PCDHGB2: variants seen among roughly 807,000 people sequenced by gnomAD.
PCDHGB2 encodes protocadherin gamma-B2.
A neutral mutation model predicts 59.3 loss-of-function variants in PCDHGB2; 55 were observed. The ratio of observed to expected loss-of-function variants is 0.93; its 90% CI spans 0.75 to 1.16. PCDHGB2 has a LOEUF of 1.16. PCDHGB2 is among the 50% of genes most tolerant of loss of function. The probability of loss-of-function intolerance (pLI) is 0.00; values close to 1 mark genes in which losing one functional copy is unlikely to be tolerated. For synonymous variants in PCDHGB2, 516 were observed against 512.0 expected (o/e 1.01, Z -0.11); for missense variants, 1,228 against 1,198.5 (o/e 1.02, Z -0.36).
At position 141,360,120 on chromosome 5, in the gene PCDHGB2, C is replaced by A; in HGVS notation, c.-16C>A. On this transcript the variant is annotated 5_prime_UTR_variant, in exon 1 of 4. Coordinates refer to ENST00000522605, the MANE Select transcript of PCDHGB2 (RefSeq NM_018923.3). ...CTTATTCCTCCTATGGGCAAAGGAG[C>A]AAAGGGAGCCAGAAGATGAAAGCGA... is the stretch of plus-strand genomic sequence containing the variant. 6.3e-7 allele frequency: 1 copy of A among 1,578,376 alleles called. No homozygotes were observed. Among genetic ancestry groups the A allele is most frequent in the Non-Finnish European group, 8.6e-7 (1 of 1,160,174 alleles).
intron 1 of PCDHGB2, chr5:141,393,488 A>G: frequency 1.9e-6 from 3 of 1,614,066 alleles, no homozygotes; most frequent in Non-Finnish European, 2.5e-6. Context: ...GCTCTAGCAC[A>G]GTGCGCATCC....
Position 141,375,504 on chromosome 5 carries a change from T to A in PCDHGB2, c.2421+12948T>A. The A allele has an allele frequency of 2.5e-6, 4 of 1,614,004 alleles. No homozygotes were observed. The South Asian group carries it at 4.4e-5, about 18-fold the overall frequency. ...CCCAGGGGTGCCTCCATCTTCTCTG[T>A]GAATGCACTGGACCCTGACGTGGAC... On this transcript the variant is annotated intron_variant, in intron 1 of 3. Coordinates refer to ENST00000522605, the MANE Select transcript of PCDHGB2 (RefSeq NM_018923.3).
intron 1 of PCDHGB2, chr5:141,389,727 T>C (rs1176419914): frequency 4.3e-6 from 7 of 1,612,724 alleles, no homozygotes; most frequent in Non-Finnish European, 5.9e-6. Context: ...GCCCGGGCTC[T>C]TCAGCCTGGG....
At chr5:141,438,914 C>T (rs1249997741) in intron 1 of PCDHGB2, among the ~76,000 whole-genome samples, 1 of 151,906 alleles carries the variant, frequency 6.6e-6, no homozygotes, top group Non-Finnish European at 1.5e-5. Flanking sequence ...GATCCACCTG[C>T]CTTGGCCTCC....
In PCDHGB2 at chr5:141,432,452, C is replaced by T. The variant is rs780149710; in HGVS notation, c.2422-62355C>T. 3.7e-6 allele frequency: 6 copies of T among 1,614,094 alleles called. No homozygotes were observed. The highest frequency in any genetic ancestry group is 1.6e-4 in the Middle Eastern group (1 of 6,082). On this transcript the variant is annotated intron_variant, in intron 1 of 3. Coordinates refer to ENST00000522605, the MANE Select transcript of PCDHGB2 (RefSeq NM_018923.3). The surrounding 1 kb of genome is among the most constrained non-coding windows in gnomAD (Gnocchi z 6.0). ...CGACAATGCGCCCGAGATCCTGTACCCCGCCCTCCCCACGGACGGTTCCAC... is the reference window on the plus strand; with the variant it reads ...CGACAATGCGCCCGAGATCCTGTACTCCGCCCTCCCCACGGACGGTTCCAC...
chr5:141,373,498 G>A (rs1282997273), intron 1 of PCDHGB2, among the ~76,000 whole-genome samples: 2 of 152,206 alleles, frequency 1.3e-5, no homozygotes, highest in Non-Finnish European at 2.9e-5. Flanking sequence ...ACTCTAGCCT[G>A]GGAGACAGAG....
rs565524310 is a variant in PCDHGB2, at chr5:141,375,830, G to A, written c.2421+13274G>A. The stretch of plus-strand genomic sequence containing the variant: ...CGTGGAGCTGGCGCCCCGCTCCGCA[G>A]AGCCCGGCTACCTGGTGACCAAGGT... On this transcript the variant is annotated intron_variant, in intron 1 of 3. Transcript: ENST00000522605. 6.8e-6 allele frequency: 11 copies of A among 1,614,152 alleles called. No homozygotes were observed. In the East Asian group the frequency reaches 2.2e-4, roughly 33 times the overall value.
intron 1 of PCDHGB2, chr5:141,372,532 T>A: frequency 6.2e-7 from 1 of 1,614,022 alleles, no homozygotes; most frequent in East Asian, 2.2e-5. Context: ...GCAATCTCCC[T>A]GCGCCTGCGA....
chr5:141,421,640 A>T (rs367946949), intron 1 of PCDHGB2: 1 of 1,613,716 alleles, frequency 6.2e-7, no homozygotes, highest in Non-Finnish European at 8.5e-7. Context: ...CAGGAGGACG[A>T]AGTGGAGATA....
At chr5:141,459,694 T>A (rs767389870) in intron 1 of PCDHGB2, among the ~76,000 whole-genome samples, 1 of 152,252 alleles carries the variant, frequency 6.6e-6, no homozygotes, top group Non-Finnish European at 1.5e-5. Context: ...AGCGTTCCGC[T>A]TGCTACATTT....
At chr5:141,403,743 C>A (rs1165597254) in intron 1 of PCDHGB2, 1 of 1,613,856 alleles carries the variant, frequency 6.2e-7, no homozygotes, top group Non-Finnish European at 8.5e-7. Context: ...CTGCTTACTG[C>A]AACAGCCAGC....
At chr5:141,368,396 C>T (rs1039446305) in intron 1 of PCDHGB2, among the ~76,000 whole-genome samples, 12 of 152,102 alleles carry the variant, frequency 7.9e-5, no homozygotes, top group African/African-American at 2.9e-4. Flanking sequence ...CACACACAAA[C>T]ACACATACAT....
In PCDHGB2 at chr5:141,361,554, A is replaced by G. The variant is rs199916536; in HGVS notation, c.1419A>G (p.Gln473=). The change falls in exon 1 of 4, where the codon CAA becomes CAG. Residue 473 remains glutamine, a synonymous_variant. Coordinates refer to ENST00000522605, the MANE Select transcript of PCDHGB2 (RefSeq NM_018923.3). ...ENNPPGASIA[Q]ISASDPDLGP... ...ATCCTCCTGGCGCCTCTATCGCTCAAATCAGTGCCTCTGACCCTGACTTGG... is the reference window on the plus strand; with the variant it reads ...ATCCTCCTGGCGCCTCTATCGCTCAGATCAGTGCCTCTGACCCTGACTTGG... 45 of 1,613,944 alleles carry G rather than the reference A, an allele frequency of 2.8e-5. No individual in the cohort carries two copies. Among genetic ancestry groups the G allele is most frequent in the East Asian group, 8.9e-5 (4 of 44,890 alleles).
intron 1 of PCDHGB2, among the ~76,000 whole-genome samples, chr5:141,438,498 CAT>C (rs2097963931): frequency 6.7e-6 from 1 of 149,704 alleles, no homozygotes; most frequent in African/African-American, 2.5e-5. Context: ...AAAAAAGAAT[CAT>C]AGTGCAAAAC....
rs755706235 is a variant in PCDHGB2 at position 141,476,450 on chromosome 5, G to A, written c.2422-18357G>A. ...TTGCACTGTAACTCTGGAGTTGGTA[G>A]TGGAGAACCCGCTGGAGCTGTTCAG... On this transcript the variant is annotated intron_variant, in intron 1 of 3. Transcript: ENST00000522605. The surrounding 1 kb of genome is among the most constrained non-coding windows in gnomAD (Gnocchi z 7.6). The A allele has an allele frequency of 6.2e-7, 1 of 1,614,180 alleles. No individual in the cohort carries two copies. The highest frequency in any genetic ancestry group is 8.5e-7 in the Non-Finnish European group (1 of 1,180,040).
intron 1 of PCDHGB2, chr5:141,418,613 C>T (rs759701663): frequency 9.9e-6 from 16 of 1,613,892 alleles, no homozygotes; most frequent in Non-Finnish European, 1.4e-5. Context: ...GGTTAGCCTT[C>T]GGGAAGACGT....
chr5:141,498,578 G>T (rs1404493166), intron 2 of PCDHGB2, among the ~76,000 whole-genome samples: 1 of 152,048 alleles, frequency 6.6e-6, no homozygotes, highest in African/African-American at 2.4e-5. Flanking sequence ...CTAGTATTGA[G>T]TTCTTCAGTA....
In PCDHGB2 at chr5:141,511,330, T is replaced by C; in HGVS notation, c.*157T>C. 1 of 1,455,994 alleles carries C rather than the reference T, an allele frequency of 6.9e-7. No homozygotes were observed. The highest frequency in any genetic ancestry group is 9.1e-7 in the Non-Finnish European group (1 of 1,093,254). 90.2% of individuals were successfully genotyped at this position (1,455,994 alleles called of 1,614,324 possible). ...TTGGGAAACAGAAACAAGTGCCCAG[T>C]CAGCACCTACCCCTTCCCCCCCAGG... On this transcript the variant is annotated 3_prime_UTR_variant, in exon 4 of 4. Coordinates refer to ENST00000522605, the MANE Select transcript of PCDHGB2 (RefSeq NM_018923.3).
At chr5:141,391,795 A>G (rs1220181718) in intron 1 of PCDHGB2, 2 of 152,206 alleles carry the variant, frequency 1.3e-5, no homozygotes, top group African/African-American at 4.8e-5. Context: ...GCAGTTTTTT[A>G]GATCAAAGTG....
Sources: allele counts gnomAD v4.1 joint callset (sites outside exome capture counted in the v4.1 genomes callset), GRCh38; gene constraint gnomAD v4.1.1; non-coding constraint Gnocchi (gnomAD v3.1); transcripts MANE v1.5; gene names NCBI Gene and HGNC (gene_info 2026-07-23, HGNC 2026-07-21).